SUSD1: variants seen among roughly 807,000 people sequenced by gnomAD.
The protein encoded by SUSD1 is sushi domain containing 1, also known as sushi domain-containing protein 1.
Under a neutral mutation model 86.9 loss-of-function variants are expected in SUSD1, and 65 were observed. The ratio of observed to expected loss-of-function variants is 0.75; its 90% CI spans 0.61 to 0.92. The LOEUF (loss-of-function observed/expected upper bound fraction) is 0.92. Ranked by LOEUF, SUSD1 falls within the 40% of genes least tolerant of loss-of-function variation. SUSD1 has a pLI of 0.00. For synonymous variants in SUSD1, 346 were observed against 350.0 expected, an observed-to-expected ratio of 0.99 and a Z score of 0.13; for missense variants, 850 against 929.7, an observed-to-expected ratio of 0.91 and a Z score of 1.11.
rs954398022 is a variant in SUSD1 at position 112,165,348 on chromosome 9, A to G, written c.104-7735T>C. 3.3e-5 allele frequency among the ~76,000 whole-genome samples: 5 copies of G among 149,950 alleles called. No homozygotes were observed. In the East Asian group the frequency reaches 7.8e-4, roughly 23 times the overall value. On this transcript the variant is annotated intron_variant, in intron 1 of 16. Transcript: ENST00000374270. ...TTATTTTAAAATATACAATTAAATT[A>G]TTATTAACTATAGTAAACCTGTTGT...
chr9:112,114,842 C>G (rs976963411), intron 6 of SUSD1, among the ~76,000 whole-genome samples: 2 of 152,184 alleles, frequency 1.3e-5, no homozygotes, highest in Admixed American at 1.3e-4. Context: ...CTCTGAAGGG[C>G]TGTCCAACAA....
chr9:112,122,823 C>T (rs140211879), intron 6 of SUSD1, among the ~76,000 whole-genome samples: 157 of 152,282 alleles, frequency 1.0e-3, no homozygotes, highest in African/African-American at 3.6e-3. Context: ...CATGTTACAA[C>T]ATGGATGTAT....
chr9:112,063,470 G>T (rs1353345286), intron 12 of SUSD1, among the ~76,000 whole-genome samples: 1 of 152,240 alleles, frequency 6.6e-6, no homozygotes, highest in Non-Finnish European at 1.5e-5. Flanking sequence ...ACAATAAAAA[G>T]AAGTGATGAG....
intron 12 of SUSD1, among the ~76,000 whole-genome samples, chr9:112,066,663 CAT>C (rs1217931722): frequency 6.6e-6 from 1 of 152,152 alleles, no homozygotes; most frequent in Non-Finnish European, 1.5e-5. Flanking sequence ...GTTGTCTTTT[CAT>C]ATGTTACATA....
chr9:112,120,836 A>T (rs1831525167), intron 6 of SUSD1, among the ~76,000 whole-genome samples: 1 of 152,212 alleles, frequency 6.6e-6, no homozygotes, highest in African/African-American at 2.4e-5. Context: ...ACCCCCATTG[A>T]CTGCTGAATG....
At chr9:112,126,589 G>T (rs1178810653) in intron 5 of SUSD1, among the ~76,000 whole-genome samples, 1 of 152,158 alleles carries the variant, frequency 6.6e-6, no homozygotes, top group Non-Finnish European at 1.5e-5. Flanking sequence ...CCCGTTAACA[G>T]AGCTATTCAA....
intron 1 of SUSD1, among the ~76,000 whole-genome samples, chr9:112,158,506 C>T (rs1042862621): frequency 6.6e-6 from 1 of 152,060 alleles, no homozygotes; most frequent in African/African-American, 2.4e-5. Flanking sequence ...TTCTCCCCAC[C>T]TCAACCTCCT....
At chr9:112,077,499 CTTTTTTTTTTTTTTT>C (rs869259276) in intron 12 of SUSD1, among the ~76,000 whole-genome samples, 6 of 66,420 alleles carry the variant, frequency 9.0e-5, no homozygotes, top group Middle Eastern at 0.011. Context: ...TAGTAATCTA[CTTTTTTTTTTTTTTT>C]TTTTTTTTTT....
At chr9:112,088,317 A>G (rs962519634) in intron 10 of SUSD1, among the ~76,000 whole-genome samples, 10 of 152,234 alleles carry the variant, frequency 6.6e-5, no homozygotes, top group African/African-American at 2.2e-4. Context: ...AAAAATAAAG[A>G]TGGGGCGAGG....
rs1195852648 is a variant in SUSD1 at position 112,138,233 on chromosome 9, A to ATG, written c.706+4085_706+4086dup. 9.8e-4 allele frequency among the ~76,000 whole-genome samples: 39 copies of ATG among 39,772 alleles called. 2 individuals carry two copies. The highest frequency in any genetic ancestry group is 2.9e-3 in the South Asian group (2 of 688). The allele number at this position is 39,772 out of a possible 152,430, so 26.1% of individuals were successfully genotyped here. A position where few individuals can be genotyped will look rare whatever the true frequency, so the allele number is the denominator to read the frequency against. On this transcript the variant is annotated intron_variant, in intron 5 of 16. Coordinates refer to ENST00000374270, the MANE Select transcript of SUSD1 (RefSeq NM_022486.5). Reference sequence around the variant, plus strand: ...AGTGAGACTCCATCTCAAAAAAAAAATGTGTATATATATATATATATATGT... The same window carrying ATG: ...AGTGAGACTCCATCTCAAAAAAAAAATGTGTGTATATATATATATATATATGT...
At chr9:112,158,917 T>C (rs967261957) in intron 1 of SUSD1, among the ~76,000 whole-genome samples, 17 of 152,032 alleles carry the variant, frequency 1.1e-4, no homozygotes, top group African/African-American at 4.1e-4. Flanking sequence ...ACTGCCTGGA[T>C]AGAGAAATCT....
chr9:112,153,003 C>T lies in SUSD1; in HGVS notation c.218-3604G>A, dbSNP rs549239002. ...GACACAGGCCAGGCACAGTGATTTG[C>T]ATCTGTAATCTCAGCACTTTGGGAG... is the stretch of plus-strand genomic sequence containing the variant. On this transcript the variant is annotated intron_variant, in intron 2 of 16. Coordinates refer to ENST00000374270, the MANE Select transcript of SUSD1 (RefSeq NM_022486.5). Among the ~76,000 whole-genome samples, 3 of 152,170 alleles carry T rather than the reference C, an allele frequency of 2.0e-5. No individual in the cohort carries two copies. In the East Asian group the frequency reaches 5.8e-4, roughly 29 times the overall value.
intron 10 of SUSD1, among the ~76,000 whole-genome samples, chr9:112,097,903 C>T (rs1200161754): frequency 6.6e-6 from 1 of 152,180 alleles, no homozygotes; most frequent in Non-Finnish European, 1.5e-5. Flanking sequence ...GTAGTGATGG[C>T]TGCACCACAG....
At chr9:112,150,382 T>G (rs1418430078) in intron 2 of SUSD1, among the ~76,000 whole-genome samples, 1 of 152,262 alleles carries the variant, frequency 6.6e-6, no homozygotes, top group Non-Finnish European at 1.5e-5. Flanking sequence ...TATGAATTTG[T>G]AGCTTGTTTG....
At chr9:112,136,101 G>A (rs1832250677) in intron 5 of SUSD1, among the ~76,000 whole-genome samples, 1 of 152,168 alleles carries the variant, frequency 6.6e-6, no homozygotes, top group African/African-American at 2.4e-5. Context: ...CATTTACTTG[G>A]CAAAAGTGTA....
intron 5 of SUSD1, among the ~76,000 whole-genome samples, chr9:112,138,276 T>TATGTATATACAC (rs1426429188): frequency 7.7e-6 from 1 of 129,608 alleles, no homozygotes; most frequent in East Asian, 2.2e-4. Flanking sequence ...CATATATATA[T>TATGTATATACAC]ATATGAAGTC....
At chr9:112,045,375 A>G (rs958613366) in intron 15 of SUSD1, among the ~76,000 whole-genome samples, 1 of 152,188 alleles carries the variant, frequency 6.6e-6, no homozygotes, top group African/African-American at 2.4e-5. Context: ...CATATCATGC[A>G]TATTCTTGGG....
intron 8 of SUSD1, 69 bp downstream of exon 8, chr9:112,111,585 T>G (rs1438741541): frequency 6.5e-7 from 1 of 1,548,892 alleles, no homozygotes. Context: ...CAGCTGATTC[T>G]GCAGCATACT....
chr9:112,114,979 T>G (rs1210736620), intron 6 of SUSD1, among the ~76,000 whole-genome samples: 1 of 152,200 alleles, frequency 6.6e-6, no homozygotes, highest in African/African-American at 2.4e-5. Context: ...ACTGCCCTTG[T>G]TTCCCACTCC....
Sources: allele counts gnomAD v4.1 joint callset (sites outside exome capture counted in the v4.1 genomes callset), GRCh38; gene constraint gnomAD v4.1.1; transcripts MANE v1.5; gene names NCBI Gene and HGNC (gene_info 2026-07-23, HGNC 2026-07-21).